Variants in HLA-DRB1 observed in about 807,000 individuals in gnomAD.
HLA-DRB1 encodes the protein major histocompatibility complex, class II, DR beta 1, also known as major histocompatibility complex, class II, DR beta 1 precursor.
Under a neutral mutation model 27.9 loss-of-function variants are expected in HLA-DRB1, and 10 were observed. The observed-to-expected ratio is 0.36, with a 90% CI of 0.22 to 0.61. The LOEUF (loss-of-function observed/expected upper bound fraction) is 0.61, where lower values mean the gene tolerates loss of function less well. Among genes scored for constraint, HLA-DRB1 ranks in the 20% least tolerant of loss-of-function variants. The pLI is 0.73. For synonymous variants in HLA-DRB1, 57 were observed against 126.7 expected (o/e 0.45, Z 3.69); for missense variants, 118 against 306.3 (o/e 0.39, Z 4.59).
chr6:32,583,099 G>C (rs9269878), intron 2 of HLA-DRB1, among the ~76,000 whole-genome samples: 54,049 of 72,052 alleles, frequency 0.75, 22,375 homozygotes, highest in Middle Eastern at 0.84. Flanking sequence ...AAAGAACGCA[G>C]AAAGTCACTG....
At chr6:32,584,737 A>T in intron 1 of HLA-DRB1, among the ~76,000 whole-genome samples, 2 of 79,928 alleles carry the variant, frequency 2.5e-5, no homozygotes, top group Non-Finnish European at 2.5e-5. Context: ...CTCATCCCAC[A>T]CGCTTTACCG....
At chr6:32,588,457 AAG>A (rs796697306) in intron 1 of HLA-DRB1, among the ~76,000 whole-genome samples, 4 of 55,274 alleles carry the variant, frequency 7.2e-5, no homozygotes, top group Admixed American at 2.2e-4. Context: ...CTACCTCAAA[AAG>A]AGAAAAAAAG....
intron 2 of HLA-DRB1, among the ~76,000 whole-genome samples, chr6:32,583,876 A>C (rs9269927): frequency 0.2 from 5,439 of 27,004 alleles, 688 homozygotes; most frequent in Middle Eastern, 0.32. Context: ...CCCACAACAG[A>C]CACACAGACA....
intron 1 of HLA-DRB1, among the ~76,000 whole-genome samples, chr6:32,586,227 G>T (rs1388161896): frequency 3.0e-5 from 2 of 66,138 alleles, no homozygotes; most frequent in Admixed American, 1.9e-4. Flanking sequence ...GGTTCAGCTG[G>T]CTCCCTGAAC....
chr6:32,585,837 C>A (rs1776306807), intron 1 of HLA-DRB1, among the ~76,000 whole-genome samples: 2 of 146,646 alleles, frequency 1.4e-5, no homozygotes, highest in Non-Finnish European at 3.0e-5. Flanking sequence ...TATAACCTCT[C>A]AATTTTAGAT....
Position 32,580,300 on chromosome 6 carries a change from A to G in HLA-DRB1, c.764-30T>C, listed in dbSNP as rs767679220. 18 of 948,732 alleles carry G rather than the reference A, an allele frequency of 1.9e-5. 3 individuals carry two copies. The allele number at this position is 948,732 out of a possible 1,614,324, so 58.8% of individuals were successfully genotyped here. A position where few individuals can be genotyped will look rare whatever the true frequency, so the allele number is the denominator to read the frequency against. ...GAAAAAGAGGAAAAGATATACACTT[A>G]AAAGTTATTGAAGCAAATCTGTCCT... On this transcript the variant is annotated intron_variant, in intron 4 of 5. Coordinates refer to ENST00000360004, the Ensembl canonical transcript of HLA-DRB1.
chr6:32,587,632 C>T (rs17203657), intron 1 of HLA-DRB1, among the ~76,000 whole-genome samples: 2,970 of 57,536 alleles, frequency 0.052, 133 homozygotes, highest in Middle Eastern at 0.14. Context: ...CTTAGATCTT[C>T]ACGACTGTCT....
At chr6:32,585,937 C>T (rs1277892752) in intron 1 of HLA-DRB1, among the ~76,000 whole-genome samples, 29 of 80,168 alleles carry the variant, frequency 3.6e-4, no homozygotes, top group African/African-American at 7.4e-4. Flanking sequence ...GATACACAGT[C>T]ATTGCAAAAT....
At chr6:32,586,604 T>C (rs1317461054) in intron 1 of HLA-DRB1, among the ~76,000 whole-genome samples, 58 of 56,980 alleles carry the variant, frequency 1.0e-3, no homozygotes, top group African/African-American at 4.1e-3. Context: ...TGTATCCTCT[T>C]CCACGCCCTG....
exon 4 of HLA-DRB1, chr6:32,580,796 C>G: frequency 6.2e-7 from 1 of 1,613,298 alleles, no homozygotes. Flanking sequence ...GAAGAGCAGG[C>G]CCAGCACAAA....
chr6:32,581,968 G>A, intron 2 of HLA-DRB1, 130 bp from the exon 3 acceptor site: 2 of 587,336 alleles, frequency 3.4e-6, no homozygotes, highest in South Asian at 4.4e-5. Flanking sequence ...CTGGCCATGT[G>A]ACCTTACAGT....
intron 1 of HLA-DRB1, among the ~76,000 whole-genome samples, chr6:32,584,763 C>T (rs1776152173): frequency 1.0e-5 from 1 of 95,718 alleles, no homozygotes; most frequent in Non-Finnish European, 2.1e-5. Context: ...TTCAACAGCA[C>T]CCACCGCGTT....
At chr6:32,589,844 T>G (rs201175797) in exon 1 of HLA-DRB1, 36,120 of 291,982 alleles carry the variant, frequency 0.12, 97 homozygotes, top group East Asian at 0.16. Context: ...AGGGAGGAAG[T>G]TACTGATTTC....
intron 3 of HLA-DRB1, 142 bp downstream of exon 3, chr6:32,581,415 C>T (rs41292724): frequency 0.013 from 3,628 of 289,132 alleles, 4 homozygotes; most frequent in Middle Eastern, 0.019. Flanking sequence ...TACAGGGCTA[C>T]CCCCAGTGAC....
intron 2 of HLA-DRB1, among the ~76,000 whole-genome samples, chr6:32,583,828 T>C (rs9269924): frequency 0.052 from 2,713 of 51,846 alleles, 342 homozygotes; most frequent in East Asian, 0.2. Context: ...CCCACAGAGG[T>C]CTCCAAGGAT....
intron 1 of HLA-DRB1, among the ~76,000 whole-genome samples, chr6:32,585,593 C>T (rs373792906): frequency 0.025 from 3,373 of 132,844 alleles, 66 homozygotes; most frequent in South Asian, 0.055. Context: ...AATTCTAAAG[C>T]AATTAGTATC....
At position 32,585,133 on chromosome 6, in the gene HLA-DRB1, C is replaced by T. The variant is rs1175925947; in HGVS notation, c.101-755G>A. 7.7e-3 allele frequency among the ~76,000 whole-genome samples: 318 copies of T among 41,520 alleles called. 11 individuals carry two copies. The highest frequency in any genetic ancestry group is 0.017 in the East Asian group (27 of 1,562). 27.2% of individuals were successfully genotyped at this position (41,520 alleles called of 152,430 possible). ...TTTAATACTTCCTTGTGTTCTTGAACACATGCCCAGATAGACATATACAAC... is the reference window on the plus strand; with the variant it reads ...TTTAATACTTCCTTGTGTTCTTGAATACATGCCCAGATAGACATATACAAC... On this transcript the variant is annotated intron_variant, in intron 1 of 5. Coordinates refer to ENST00000360004, the Ensembl canonical transcript of HLA-DRB1.
rs1472146032 is a variant in HLA-DRB1, at chr6:32,584,497, C to G, written c.101-119G>C. On this transcript the variant is annotated intron_variant, in intron 1 of 5. Transcript: ENST00000360004. ...GCGCTGGAACCTTAACCGGCCCCAC[C>G]CGCAACGCCCACCACCTGCAGCCCA... The G allele has an allele frequency of 2.0e-5, 13 of 651,776 alleles. No individual in the cohort carries two copies. In the East Asian group the frequency reaches 3.4e-4, roughly 17 times the overall value. 40.4% of individuals were successfully genotyped at this position (651,776 alleles called of 1,614,324 possible). A position where few individuals can be genotyped will look rare whatever the true frequency, so the allele number is the denominator to read the frequency against.
chr6:32,587,734 C>CA (rs1554129854), intron 1 of HLA-DRB1, among the ~76,000 whole-genome samples: 45,675 of 113,488 alleles, frequency 0.4, 11,416 homozygotes, highest in Middle Eastern at 0.59. Context: ...CTCTCTTTTT[C>CA]ACAAACCTGA....
Sources: gnomAD v4.1 joint callset for allele counts (sites outside exome capture counted in the v4.1 genomes callset) on GRCh38, gnomAD v4.1.1 for gene constraint, MANE v1.5 for transcripts, NCBI Gene and HGNC (gene_info 2026-07-23, HGNC 2026-07-21) for gene names.